Variants in SIRT5 observed in about 807,000 individuals in gnomAD.
The protein encoded by SIRT5 is NAD-dependent protein deacylase sirtuin-5, mitochondrial.
A neutral mutation model predicts 40.0 loss-of-function variants in SIRT5; 26 were observed. The observed-to-expected ratio is 0.65, with a 90% confidence interval of 0.48 to 0.90. SIRT5 has a LOEUF of 0.90. Among genes scored for constraint, SIRT5 ranks in the 40% least tolerant of loss-of-function variants. SIRT5 has a pLI of 0.00. For missense variants in SIRT5, 401 were observed against 402.4 expected (o/e 1.00, Z 0.03); for synonymous variants, 146 against 149.1 (o/e 0.98, Z 0.15).
At chr6:13,602,734 A>C (rs1307706505) in intron 9 of SIRT5, among the ~76,000 whole-genome samples, 2 of 152,206 alleles carry the variant, frequency 1.3e-5, no homozygotes, top group Non-Finnish European at 2.9e-5. Context: ...CCCACATGCA[A>C]AAGAATAAGC....
chr6:13,600,063 T>G (rs1416988734), intron 8 of SIRT5, among the ~76,000 whole-genome samples: 1 of 152,254 alleles, frequency 6.6e-6, no homozygotes, highest in East Asian at 1.9e-4. Context: ...ATTTTGATAG[T>G]TTAATCAATG....
At chr6:13,577,089 C>A (rs1584727793) in intron 1 of SIRT5, among the ~76,000 whole-genome samples, 1 of 152,072 alleles carries the variant, frequency 6.6e-6, no homozygotes, top group South Asian at 2.1e-4. Flanking sequence ...GAGTGTGATG[C>A]CTTTGGCTTT....
At chr6:13,611,222 T>C (rs1352863279) in intron 9 of SIRT5, among the ~76,000 whole-genome samples, 2 of 129,722 alleles carry the variant, frequency 1.5e-5, no homozygotes, top group African/African-American at 6.2e-5. Context: ...TATATATATA[T>C]ATATATATAT....
intron 7 of SIRT5, among the ~76,000 whole-genome samples, chr6:13,598,308 C>T (rs1761871855): frequency 6.6e-6 from 1 of 151,980 alleles, no homozygotes; most frequent in African/African-American, 2.4e-5. Context: ...GTAATGGACA[C>T]AGGAAAGCTG....
intron 9 of SIRT5, among the ~76,000 whole-genome samples, chr6:13,601,638 C>G (rs775673125): frequency 6.6e-6 from 1 of 151,966 alleles, no homozygotes; most frequent in African/African-American, 2.4e-5. Context: ...CTTCATTGAA[C>G]CATCTTGTCA....
chr6:13,585,815 C>T (rs1759997305), intron 3 of SIRT5, among the ~76,000 whole-genome samples: 1 of 152,112 alleles, frequency 6.6e-6, no homozygotes, highest in Non-Finnish European at 1.5e-5. Flanking sequence ...GGGGAATTGC[C>T]ACACTCTCTT....
intron 5 of SIRT5, among the ~76,000 whole-genome samples, chr6:13,594,520 T>C (rs1048602156): frequency 2.6e-5 from 4 of 152,154 alleles, no homozygotes; most frequent in African/African-American, 9.7e-5. Context: ...CGGCTCCAGC[T>C]CAGCCACCTG....
At position 13,613,168 on chromosome 6, in the gene SIRT5, C is replaced by CCCTCCCCTCAGCAG. The variant is rs1480743534; in HGVS notation, c.*1309_*1322dup. 10 of 152,258 alleles carry CCCTCCCCTCAGCAG rather than the reference C, an allele frequency of 6.6e-5. No individual in the cohort carries two copies. The highest frequency in any genetic ancestry group is 2.4e-4 in the African/African-American group (10 of 41,418). 9.4% of individuals were successfully genotyped at this position (152,258 alleles called of 1,614,324 possible). ...GTTTACATAGCACTTTCACTCAGCACCCTCCCCTCAGCAGCCTCCACGTGG... is the reference window on the plus strand; with the variant it reads ...GTTTACATAGCACTTTCACTCAGCACCCTCCCCTCAGCAGCCTCCCCTCAGCAGCCTCCACGTGG... On this transcript the variant is annotated 3_prime_UTR_variant, in exon 10 of 10. Coordinates refer to ENST00000606117, the MANE Select transcript of SIRT5 (RefSeq NM_012241.5).
chr6:13,602,628 T>C (rs572249938), intron 9 of SIRT5, among the ~76,000 whole-genome samples: 1 of 151,660 alleles, frequency 6.6e-6, no homozygotes, highest in East Asian at 1.9e-4. Flanking sequence ...AACAGAACAA[T>C]AAAACAAACC....
chr6:13,614,887 C>G lies in SIRT5; in HGVS notation c.*3022C>G, dbSNP rs1397713136. 6.3e-6 allele frequency: 1 copy of G among 157,526 alleles called. No individual in the cohort carries two copies. Among genetic ancestry groups the G allele is most frequent in the Non-Finnish European group, 1.4e-5 (1 of 71,592 alleles). 9.8% of individuals were successfully genotyped at this position (157,526 alleles called of 1,614,324 possible). A position where few individuals can be genotyped will look rare whatever the true frequency, so the allele number is the denominator to read the frequency against. On this transcript the variant is annotated 3_prime_UTR_variant, in exon 10 of 10. Coordinates refer to ENST00000606117, the MANE Select transcript of SIRT5 (RefSeq NM_012241.5). ...CTAGAGCGCATTTCTTCCCATGAAA[C>G]GCCACCTCCTCCGAAGTGCGGAGCG... is the stretch of plus-strand genomic sequence containing the variant.
chr6:13,574,429 G>C (rs992573734), upstream of SIRT5: 3 of 152,190 alleles, frequency 2.0e-5, no homozygotes, highest in Admixed American at 2.0e-4. Context: ...CCTGCCGCGG[G>C]CTCGCGAGCG....
At position 13,611,796 on chromosome 6, in the gene SIRT5, T is replaced by A; in HGVS notation, c.864T>A (p.His288Gln). The A allele has an allele frequency of 6.2e-7, 1 of 1,613,336 alleles. No individual in the cohort carries two copies. The highest frequency in any genetic ancestry group is 8.5e-7 in the Non-Finnish European group (1 of 1,179,286). ...TTPATNRFRF[H>Q]FQGPCGTTLP... is the part of the protein sequence containing the mutation. The stretch of plus-strand genomic sequence containing the variant: ...TTTGCTTCTTCTCTTTCAGGTTTCA[T>A]TTCCAGGGACCCTGTGGAACGACTC... Residue 288 changes from histidine (H) to glutamine (Q), a missense_variant, in exon 10 of 10, where the codon CAT becomes CAA. Physicochemically the swap from His to Gln is conservative, Grantham distance 24 (BLOSUM62 0). Coordinates refer to ENST00000606117, the MANE Select transcript of SIRT5 (RefSeq NM_012241.5).
At chr6:13,592,020 T>A in intron 5 of SIRT5, 126 bp downstream of exon 5, 2 of 926,162 alleles carry the variant, frequency 2.2e-6, no homozygotes, top group Non-Finnish European at 3.2e-6. Flanking sequence ...TAGGATGCTG[T>A]GGCATTTCCT....
intron 9 of SIRT5, among the ~76,000 whole-genome samples, chr6:13,603,478 G>A (rs1486551924): frequency 6.6e-6 from 1 of 152,060 alleles, no homozygotes; most frequent in African/African-American, 2.4e-5. Flanking sequence ...TGGCCAATAA[G>A]CATATTGAAA....
At chr6:13,583,614 CAA>C (rs1381660473) in intron 2 of SIRT5, among the ~76,000 whole-genome samples, 1 of 152,190 alleles carries the variant, frequency 6.6e-6, no homozygotes, top group African/African-American at 2.4e-5. Flanking sequence ...TGAAAAGCAG[CAA>C]GTTTTCAAAT....
chr6:13,595,313 G>T (rs890300567), intron 5 of SIRT5, among the ~76,000 whole-genome samples, 164 bp from the exon 6 acceptor site: 1 of 152,190 alleles, frequency 6.6e-6, no homozygotes, highest in African/African-American at 2.4e-5. Flanking sequence ...GTTGGAAGCT[G>T]CAGTGAGCTA....
intron 9 of SIRT5, among the ~76,000 whole-genome samples, chr6:13,610,338 T>G (rs981409616): frequency 2.0e-5 from 3 of 152,198 alleles, no homozygotes; most frequent in African/African-American, 7.2e-5. Context: ...TATGCCAAAA[T>G]ACACAGAGTA....
chr6:13,578,922 G>C (rs1197809970), intron 1 of SIRT5, among the ~76,000 whole-genome samples: 2 of 152,212 alleles, frequency 1.3e-5, no homozygotes, highest in East Asian at 3.9e-4. Context: ...CACCCAAAAA[G>C]CTCCCAATGA....
chr6:13,600,708 A>G (rs1003936836), intron 8 of SIRT5, 126 bp from the exon 9 acceptor site: 42 of 642,206 alleles, frequency 6.5e-5, no homozygotes, highest in Non-Finnish European at 1.1e-4. Flanking sequence ...GTTTTATCCC[A>G]TCCTGTTTGG....
Sources: gnomAD v4.1 joint callset for allele counts (sites outside exome capture counted in the v4.1 genomes callset) on GRCh38, gnomAD v4.1.1 for gene constraint, MANE v1.5 for transcripts, NCBI Gene and HGNC (gene_info 2026-07-23, HGNC 2026-07-21) for gene names.